DYSF: variants seen among roughly 807,000 people sequenced by gnomAD.
The protein encoded by DYSF is dysferlin.
DYSF carries 212 observed loss-of-function variants against 274.9 expected under a neutral mutation model. That is an observed-to-expected ratio of 0.77 (90% CI 0.69 to 0.86). DYSF has a LOEUF of 0.86. Among genes scored for constraint, DYSF ranks in the 40% least tolerant of loss-of-function variants. The probability of loss-of-function intolerance (pLI) is 0.00; values close to 1 mark genes in which losing one functional copy is unlikely to be tolerated. For missense variants in DYSF, 2,666 were observed against 2,783.2 expected, an observed-to-expected ratio of 0.96 and a Z score of 0.95; for synonymous variants, 1,091 against 1,078.7, an observed-to-expected ratio of 1.01 and a Z score of -0.22.
rs893838515 is a variant in DYSF, at chr2:71,600,820, T to C, written c.3875T>C (p.Phe1292Ser). 2.5e-6 allele frequency: 4 copies of C among 1,612,468 alleles called. No individual in the cohort carries two copies. In the Admixed American group the frequency reaches 5.0e-5, roughly 20 times the overall value. The stretch of plus-strand genomic sequence containing the variant: ...CCGTCGGGGGAGCTGCTGGCCTCTT[T>C]TGAGCTCATCCAGAGAGAGAAGGTG... ...SQPSGELLAS[F>S]ELIQREKPAI... The change falls in exon 34 of 56, where the codon TTT (phenylalanine) becomes TCT (serine). Residue 1292 changes from phenylalanine (F) to serine (S), a missense_variant. By Grantham distance (155) the Phe-to-Ser change is radical (BLOSUM62 -2). This residue lies in a region of DYSF where 1,460 missense variants were observed against 1,502.1 expected (regional missense o/e 0.97). Transcript: ENST00000410020.
intron 30 of DYSF, among the ~76,000 whole-genome samples, chr2:71,584,267 G>A (rs2092992618): frequency 6.6e-6 from 1 of 152,144 alleles, no homozygotes; most frequent in Admixed American, 6.5e-5. Context: ...GGCTCAGAGT[G>A]GGAGCAGAGG....
intron 3 of DYSF, among the ~76,000 whole-genome samples, chr2:71,494,999 GT>G (rs2084234205): frequency 6.6e-6 from 1 of 152,230 alleles, no homozygotes; most frequent in African/African-American, 2.4e-5. Context: ...GGATGGGAAT[GT>G]GCAGAGAAGC....
intron 1 of DYSF, among the ~76,000 whole-genome samples, chr2:71,468,551 A>G (rs1015239924): frequency 6.6e-6 from 1 of 152,146 alleles, no homozygotes; most frequent in Non-Finnish European, 1.5e-5. Context: ...ATCTCCCCCC[A>G]GATCTCTGTA....
In DYSF at chr2:71,665,251, A is replaced by G; in HGVS notation, c.5264A>G (p.Tyr1755Cys). The part of the protein sequence containing the change: ...CQQHRVKAPV[Y>C]RTDRVMFQDK... ...CAGCATAGAGTCAAGGCACCTGTGT[A>G]CCGGACAGACCGTGTAATGTTTCAG... Residue 1755 changes from tyrosine to cysteine, a missense_variant, in exon 47 of 56, where the codon TAC (tyrosine) becomes TGC (cysteine). This residue lies in a region of DYSF where 1,460 missense variants were observed against 1,502.1 expected (regional missense o/e 0.97). Coordinates refer to ENST00000410020, the MANE Select transcript of DYSF (RefSeq NM_001130987.2). 1 of 1,614,196 alleles carries G rather than the reference A, an allele frequency of 6.2e-7. No homozygotes were observed. Among genetic ancestry groups the G allele is most frequent in the South Asian group, 1.1e-5 (1 of 91,090 alleles).
upstream of DYSF, among the ~76,000 whole-genome samples, chr2:71,464,904 G>A (rs983253482): frequency 2.0e-5 from 3 of 152,042 alleles, no homozygotes; most frequent in African/African-American, 7.2e-5. Context: ...AGATATGGTG[G>A]GATTTTGGAC....
intron 51 of DYSF, among the ~76,000 whole-genome samples, chr2:71,672,511 C>T (rs546648767): frequency 2.7e-4 from 41 of 152,316 alleles, no homozygotes; most frequent in South Asian, 4.1e-4. Flanking sequence ...CTGGTTGCCC[C>T]GGCCAGGCTC....
Position 71,561,859 on chromosome 2 carries a change from C to A in DYSF, c.2324C>A (p.Ala775Asp). The A allele has an allele frequency of 6.2e-7, 1 of 1,614,162 alleles. No homozygotes were observed. Among genetic ancestry groups the A allele is most frequent in the Non-Finnish European group, 8.5e-7 (1 of 1,180,024 alleles). The change falls in exon 23 of 56, where the codon GCC becomes GAC. Residue 775 changes from alanine (A) to aspartate (D), a missense_variant. By Grantham distance (126) the Ala-to-Asp change is moderately radical. This residue lies in a region of DYSF where 412 missense variants were observed against 504.0 expected (regional missense o/e 0.82). Coordinates refer to ENST00000410020, the MANE Select transcript of DYSF (RefSeq NM_001130987.2). ...AGCCAAATCACTGAGGCTGCCCTGGCCCTGAAGCTCGGCCACAGTGAGCTC... is the reference window on the plus strand; with the variant it reads ...AGCCAAATCACTGAGGCTGCCCTGGACCTGAAGCTCGGCCACAGTGAGCTC... The part of the protein sequence containing the change: ...HLSQITEAAL[A>D]LKLGHSELPA...
intron 32 of DYSF, among the ~76,000 whole-genome samples, chr2:71,593,842 G>T (rs750602835): frequency 6.6e-6 from 1 of 152,182 alleles, no homozygotes; most frequent in African/African-American, 2.4e-5. Flanking sequence ...CTCAGCTTAG[G>T]AGGGGCCCAG....
In DYSF at chr2:71,516,224, T is replaced by C; in HGVS notation, c.933T>C (p.Asp311=). 6.2e-7 allele frequency: 1 copy of C among 1,614,232 alleles called. No homozygotes were observed. Among genetic ancestry groups the C allele is most frequent in the Non-Finnish European group, 8.5e-7 (1 of 1,180,030 alleles). The change falls in exon 9 of 56, where the codon GAT becomes GAC. Residue 311 remains aspartate, a synonymous_variant. Transcript: ENST00000410020. ...NLFDSPGELF[D]EPIFITVVDS... ...TTGACTCTCCTGGGGAGCTGTTTGATGAGCCCATCTTTATCACGGTATGTC... is the reference window on the plus strand; with the variant it reads ...TTGACTCTCCTGGGGAGCTGTTTGACGAGCCCATCTTTATCACGGTATGTC...
intron 29 of DYSF, among the ~76,000 whole-genome samples, chr2:71,572,862 G>A (rs2092568943): frequency 1.3e-5 from 2 of 152,220 alleles, no homozygotes; most frequent in African/African-American, 2.4e-5. Context: ...CTGGTGAGGG[G>A]GCTGGGGTGG....
intron 3 of DYSF, among the ~76,000 whole-genome samples, chr2:71,482,709 A>G (rs968004167): frequency 6.6e-6 from 1 of 152,034 alleles, no homozygotes; most frequent in African/African-American, 2.4e-5. Context: ...CTGTGGGTGG[A>G]CTGGGAGACA....
intron 23 of DYSF, among the ~76,000 whole-genome samples, chr2:71,563,400 T>C (rs936971176): frequency 6.6e-6 from 1 of 152,198 alleles, no homozygotes; most frequent in Non-Finnish European, 1.5e-5. Context: ...CTCACTTTGC[T>C]CATCATCCTT....
At chr2:71,530,031 G>C (rs932826195) in intron 14 of DYSF, among the ~76,000 whole-genome samples, 5 of 142,302 alleles carry the variant, frequency 3.5e-5, no homozygotes, top group African/African-American at 1.2e-4. Context: ...AAATGTACAC[G>C]GGGATGTAAT....
intron 40 of DYSF, among the ~76,000 whole-genome samples, chr2:71,618,273 G>T (rs1213931508): frequency 1.1e-5 from 1 of 88,912 alleles, no homozygotes; most frequent in African/African-American, 4.9e-5. Flanking sequence ...AGAGGTGTGT[G>T]TGTGTGGTAG....
intron 4 of DYSF, among the ~76,000 whole-genome samples, chr2:71,506,169 G>A (rs1188109551): frequency 6.6e-6 from 1 of 152,180 alleles, no homozygotes; most frequent in African/African-American, 2.4e-5. Flanking sequence ...GCTCAGTGTT[G>A]GAGAGCTGTG....
At chr2:71,554,912 G>T (rs541757334) in intron 21 of DYSF, among the ~76,000 whole-genome samples, 1 of 152,302 alleles carries the variant, frequency 6.6e-6, no homozygotes, top group South Asian at 2.1e-4. Flanking sequence ...TCCTGGCAGT[G>T]GCTGTAGGGG....
chr2:71,683,485 A>G (rs1266920783), intron 55 of DYSF, among the ~76,000 whole-genome samples: 1 of 152,210 alleles, frequency 6.6e-6, no homozygotes, highest in African/African-American at 2.4e-5. Context: ...TCTCAGGCTG[A>G]CACCTGATTT....
intron 3 of DYSF, among the ~76,000 whole-genome samples, chr2:71,495,543 A>G (rs930300739): frequency 2.0e-5 from 3 of 152,222 alleles, no homozygotes; most frequent in Non-Finnish European, 2.9e-5. Context: ...CATGAACCCA[A>G]TAGAACAGGA....
Position 71,569,771 on chromosome 2 carries a change from G to A in DYSF, c.2865-49G>A, listed in dbSNP as rs568380007. On this transcript the variant is annotated intron_variant, in intron 26 of 55. Coordinates refer to ENST00000410020, the MANE Select transcript of DYSF (RefSeq NM_001130987.2). ...TCTCCAGGAGGTGGTAGATGGATGG[G>A]GGCCTCTCCAGCAGAGCAGCAGAGA... 13 of 1,520,534 alleles carry A rather than the reference G, an allele frequency of 8.5e-6. No individual in the cohort carries two copies. The East Asian group carries it at 1.1e-4, about 13-fold the overall frequency. The allele number at this position is 1,520,534 out of a possible 1,614,324, so 94.2% of individuals were successfully genotyped here. A position where few individuals can be genotyped will look rare whatever the true frequency, so the allele number is the denominator to read the frequency against.
Sources: allele counts gnomAD v4.1 joint callset (sites outside exome capture counted in the v4.1 genomes callset), GRCh38; gene constraint gnomAD v4.1.1; regional missense constraint gnomAD v4.1.1; transcripts MANE v1.5; gene names NCBI Gene and HGNC (gene_info 2026-07-23, HGNC 2026-07-21).